TRIM2: variants seen among roughly 807,000 people sequenced by gnomAD.
TRIM2 encodes the protein tripartite motif-containing protein 2.
Under a neutral mutation model 75.2 loss-of-function variants are expected in TRIM2, and 20 were observed. That is an observed-to-expected ratio of 0.27 (90% CI 0.19 to 0.39). The LOEUF is 0.39. Ranked by LOEUF, TRIM2 falls within the 10% of genes least tolerant of loss-of-function variation. TRIM2 has a pLI of 1.00. For missense variants in TRIM2, 660 were observed against 990.8 expected (o/e 0.67, Z 4.48); for synonymous variants, 373 against 388.3 (o/e 0.96, Z 0.46).
At chr4:153,288,399 T>C (rs1448333890) in intron 3 of TRIM2, among the ~76,000 whole-genome samples, 1 of 152,144 alleles carries the variant, frequency 6.6e-6, no homozygotes, top group Non-Finnish European at 1.5e-5. Context: ...ATTGAGCCAC[T>C]GCACTCCAGC....
At chr4:153,221,880 GAGGA>G (rs751579723) in intron 1 of TRIM2, among the ~76,000 whole-genome samples, 10,961 of 83,908 alleles carry the variant, frequency 0.13, 632 homozygotes, top group African/African-American at 0.19. Context: ...GGAAGGGAAG[GAGGA>G]AGGAAGGAAG....
chr4:153,270,227 C>G, intron 1 of TRIM2, 108 bp from the exon 2 acceptor site: 1 of 1,359,126 alleles, frequency 7.4e-7, no homozygotes, highest in Non-Finnish European at 9.9e-7. Context: ...CACACCTGGC[C>G]GACTTCTACC....
chr4:153,316,101 A>C (rs940483072), intron 8 of TRIM2, 102 bp downstream of exon 8: 104 of 1,105,234 alleles, frequency 9.4e-5, no homozygotes, highest in Non-Finnish European at 9.5e-5. Context: ...GCAACATTCA[A>C]CAATTCTTCA....
chr4:153,271,579 G>T (rs1309878654), intron 2 of TRIM2, among the ~76,000 whole-genome samples: 1 of 152,156 alleles, frequency 6.6e-6, no homozygotes, highest in Non-Finnish European at 1.5e-5. Context: ...GGGGTTTTGT[G>T]TGTGTGCGTG....
intron 8 of TRIM2, among the ~76,000 whole-genome samples, chr4:153,318,730 C>T (rs1768250270): frequency 6.6e-6 from 1 of 152,184 alleles, no homozygotes; most frequent in Non-Finnish European, 1.5e-5. Flanking sequence ...AATAGGTTCA[C>T]TTACGGAGAC....
intron 1 of TRIM2, among the ~76,000 whole-genome samples, chr4:153,157,765 A>G (rs1252424169): frequency 1.3e-5 from 2 of 152,232 alleles, no homozygotes; most frequent in Admixed American, 6.5e-5. Context: ...ACAGTCTCAC[A>G]GTGCCTTGCT....
At chr4:153,194,794 G>A (rs1733601819) in intron 1 of TRIM2, among the ~76,000 whole-genome samples, 1 of 152,080 alleles carries the variant, frequency 6.6e-6, no homozygotes, top group African/African-American at 2.4e-5. Flanking sequence ...TGTCTTCTAG[G>A]TTTTCTTCTT....
intron 1 of TRIM2, among the ~76,000 whole-genome samples, chr4:153,207,462 T>A (rs1735800402): frequency 6.6e-6 from 1 of 152,210 alleles, no homozygotes; most frequent in African/African-American, 2.4e-5. Flanking sequence ...CTGTATTCCT[T>A]CAGCCAAATA....
intron 8 of TRIM2, among the ~76,000 whole-genome samples, chr4:153,318,940 C>A (rs932245876): frequency 2.6e-5 from 4 of 152,188 alleles, no homozygotes; most frequent in African/African-American, 7.2e-5. Context: ...TTCAGCAATA[C>A]CCTCTTCTAT....
intron 3 of TRIM2, among the ~76,000 whole-genome samples, chr4:153,285,555 G>A (rs568984627): frequency 6.6e-6 from 1 of 152,140 alleles, no homozygotes; most frequent in Admixed American, 6.5e-5. Context: ...TGGTCTTGGG[G>A]CAAGCAATCC....
intron 6 of TRIM2, chr4:153,308,353 G>T: frequency 8.2e-7 from 1 of 1,212,672 alleles, no homozygotes; most frequent in Non-Finnish European, 1.2e-6. Context: ...TGCAGCTCTT[G>T]GTTGGTTCTT....
At chr4:153,218,628 C>T (rs1356803032) in intron 1 of TRIM2, among the ~76,000 whole-genome samples, 1 of 152,192 alleles carries the variant, frequency 6.6e-6, no homozygotes, top group African/African-American at 2.4e-5. Context: ...GTCAAGTCTA[C>T]AAGTCTACCC....
At chr4:153,239,721 C>T (rs1318258317) in intron 1 of TRIM2, among the ~76,000 whole-genome samples, 1 of 152,034 alleles carries the variant, frequency 6.6e-6, no homozygotes, top group Non-Finnish European at 1.5e-5. Context: ...CAACACATAA[C>T]ATCTTTTATT....
intron 3 of TRIM2, among the ~76,000 whole-genome samples, chr4:153,281,831 G>A (rs1205165085): frequency 6.6e-6 from 1 of 152,218 alleles, no homozygotes; most frequent in African/African-American, 2.4e-5. Flanking sequence ...TTGAGCTCAT[G>A]CCTCATGGTC....
rs376311750 is a variant in TRIM2 at position 153,204,557 on chromosome 4, G to A, written c.27G>A (p.Thr9=). Residue 9 remains threonine, a synonymous_variant, in exon 1 of 12, where the codon ACG becomes ACA. Coordinates refer to ENST00000338700, the MANE Select transcript of TRIM2 (RefSeq NM_015271.5). ...TGCACAGGAGTGGCCGTTATGGAAC[G>A]CAGGTAAGGACGCTTCTCAATGTGG... is the stretch of plus-strand genomic sequence containing the variant. MHRSGRYG[T]QQQRAGSKTA... 2.6e-6 allele frequency: 4 copies of A among 1,551,618 alleles called. No individual in the cohort carries two copies. The African/African-American group carries it at 4.1e-5, about 16-fold the overall frequency.
At chr4:153,309,237 T>C (rs187906560) in intron 6 of TRIM2, among the ~76,000 whole-genome samples, 101 of 152,240 alleles carry the variant, frequency 6.6e-4, no homozygotes, top group African/African-American at 2.1e-3. Flanking sequence ...GAAGAAGCCA[T>C]GTGTGTATTG....
chr4:153,257,543 G>A, intron 1 of TRIM2: 33 of 1,289,684 alleles, frequency 2.6e-5, no homozygotes, highest in Non-Finnish European at 3.0e-5. Flanking sequence ...TTCTGTGCAT[G>A]AACTGGCACA....
At chr4:153,294,584 T>A (rs537437736) in intron 5 of TRIM2, 99 bp downstream of exon 5, 1 of 1,262,716 alleles carries the variant, frequency 7.9e-7, no homozygotes, top group East Asian at 2.4e-5. Flanking sequence ...TTAAGTGTCA[T>A]CATTGTATAG....
At chr4:153,289,115 T>C (rs1249486325) in intron 3 of TRIM2, among the ~76,000 whole-genome samples, 1 of 152,120 alleles carries the variant, frequency 6.6e-6, no homozygotes, top group African/African-American at 2.4e-5. Flanking sequence ...CTTTGTGAAC[T>C]TTGTCCTTTT....
Sources: allele counts gnomAD v4.1 joint callset (sites outside exome capture counted in the v4.1 genomes callset), GRCh38; gene constraint gnomAD v4.1.1; transcripts MANE v1.5; gene names NCBI Gene and HGNC (gene_info 2026-07-23, HGNC 2026-07-21).